RCN3: variants seen among roughly 807,000 people sequenced by gnomAD.
RCN3 encodes reticulocalbin-3.
Under a neutral mutation model 35.9 loss-of-function variants are expected in RCN3, and 41 were observed. That is an observed-to-expected ratio of 1.14 (90% confidence interval 0.89 to 1.48). The LOEUF is 1.48. Among genes scored for constraint, RCN3 ranks in the 40% most tolerant of loss-of-function variants. RCN3 has a pLI of 0.00. For synonymous variants in RCN3, 187 were observed against 193.4 expected (o/e 0.97, Z 0.27); for missense variants, 451 against 471.3 (o/e 0.96, Z 0.40).
rs1361892683 is a variant in RCN3 at position 49,528,521 on chromosome 19, G to A, written c.49G>A (p.Gly17Arg). ...VLLLLLLLRH[G>R]AQGKPSPDAG... ...GCTGCTTCTGTTGCTACTGAGGCAC[G>A]GGGCCCAGGGGAAGCCATCCCCAGA... is the stretch of plus-strand genomic sequence containing the variant. Residue 17 changes from glycine to arginine, a missense_variant, in exon 2 of 7, where the codon GGG (glycine) becomes AGG (arginine). Transcript: ENST00000270645. 1.9e-6 allele frequency: 3 copies of A among 1,548,890 alleles called. No individual in the cohort carries two copies. Among genetic ancestry groups the A allele is most frequent in the Non-Finnish European group, 2.6e-6 (3 of 1,149,066 alleles).
chr19:49,542,975 C>T, intron 6 of RCN3, 131 bp from the exon 7 acceptor site: 1 of 853,686 alleles, frequency 1.2e-6, no homozygotes, highest in Non-Finnish European at 1.9e-6. Flanking sequence ...AAGACGGGGA[C>T]AGATTCAGAG....
At chr19:49,538,110 G>A (rs60163835) in intron 4 of RCN3, among the ~76,000 whole-genome samples, 15,103 of 148,030 alleles carry the variant, frequency 0.1, 983 homozygotes, top group African/African-American at 0.18. Context: ...TCCCACCTCC[G>A]CCTTCTGAGA....
At chr19:49,538,954 G>A (rs928716399) in intron 4 of RCN3, among the ~76,000 whole-genome samples, 165 bp from the exon 5 acceptor site, 1 of 152,060 alleles carries the variant, frequency 6.6e-6, no homozygotes, top group African/African-American at 2.4e-5. Context: ...CAGAAAGCCC[G>A]CAAATTTCCC....
chr19:49,533,276 G>T (rs1224474240), intron 2 of RCN3, among the ~76,000 whole-genome samples: 1 of 152,202 alleles, frequency 6.6e-6, no homozygotes, highest in Non-Finnish European at 1.5e-5. Context: ...AGGTGGGGCG[G>T]TGACTCAGGC....
At position 49,528,524 on chromosome 19, in the gene RCN3, G is replaced by A. The variant is rs763157748; in HGVS notation, c.52G>A (p.Ala18Thr). 155 of 1,562,246 alleles carry A rather than the reference G, an allele frequency of 9.9e-5. No homozygotes were observed. Among genetic ancestry groups the A allele is most frequent in the Admixed American group, 2.5e-4 (13 of 51,278 alleles). Residue 18 changes from alanine to threonine, a missense_variant, in exon 2 of 7, where the codon GCC becomes ACC. Transcript: ENST00000270645. Reference sequence around the variant, plus strand: ...GCTTCTGTTGCTACTGAGGCACGGGGCCCAGGGGAAGCCATCCCCAGACGC... The same window carrying A: ...GCTTCTGTTGCTACTGAGGCACGGGACCCAGGGGAAGCCATCCCCAGACGC... ...LLLLLLLRHG[A>T]QGKPSPDAGP...
At chr19:49,534,136 A>AG in intron 2 of RCN3, 57 bp from the exon 3 acceptor site, 1 of 1,415,250 alleles carries the variant, frequency 7.1e-7, no homozygotes, top group Non-Finnish European at 9.2e-7. Context: ...GGCCCGTGCG[A>AG]GGGGCGGGGC....
In RCN3 at chr19:49,528,554, C is replaced by A. The variant is rs750387536; in HGVS notation, c.82C>A (p.Pro28Thr). The change falls in exon 2 of 7, where the codon CCT (proline) becomes ACT (threonine). Residue 28 changes from proline (P) to threonine (T), a missense_variant. Transcript: ENST00000270645. ...GGGGAAGCCATCCCCAGACGCAGGC[C>A]CTCATGGCCAGGGGAGGGTGCACCA... ...AQGKPSPDAG[P>T]HGQGRVHQAA... 1.6e-5 allele frequency: 26 copies of A among 1,592,352 alleles called. No homozygotes were observed. The highest frequency in any genetic ancestry group is 2.1e-5 in the Non-Finnish European group (25 of 1,170,962).
intron 5 of RCN3, among the ~76,000 whole-genome samples, 158 bp downstream of exon 5, chr19:49,539,337 A>G (rs757082563): frequency 1.3e-5 from 2 of 150,140 alleles, no homozygotes; most frequent in African/African-American, 5.1e-5. Context: ...TTAGCCACCC[A>G]ACATTTATTG....
At position 49,537,072 on chromosome 19, in the gene RCN3, A is replaced by C; in HGVS notation, c.485A>C (p.Lys162Thr). 6.3e-7 allele frequency: 1 copy of C among 1,580,046 alleles called. No individual in the cohort carries two copies. The highest frequency in any genetic ancestry group is 8.6e-7 in the Non-Finnish European group (1 of 1,160,762). ...FHDVEDAETY[K>T]KMLARDERRF... ...GACGTGGAGGATGCAGAGACCTACA[A>C]AAAGATGCTGGCTCGGGACGAGCGG... is the stretch of plus-strand genomic sequence containing the variant. Residue 162 changes from lysine to threonine, a missense_variant, in exon 4 of 7, where the codon AAA (lysine) becomes ACA (threonine). Lys to Thr is a moderately conservative substitution (Grantham distance 78). Transcript: ENST00000270645.
intron 2 of RCN3, among the ~76,000 whole-genome samples, chr19:49,529,765 T>C (rs762491095): frequency 8.6e-5 from 13 of 151,220 alleles, no homozygotes; most frequent in Non-Finnish European, 1.6e-4. Flanking sequence ...TATTTATTTA[T>C]TTACTTATTG....
intron 1 of RCN3, 71 bp from the exon 2 acceptor site, chr19:49,528,396 C>T: frequency 7.2e-7 from 1 of 1,380,202 alleles, no homozygotes; most frequent in Admixed American, 2.9e-5. Context: ...CCCCTCCACC[C>T]CGCCATTCTC....
intron 2 of RCN3, among the ~76,000 whole-genome samples, chr19:49,530,038 G>A (rs1415870977): frequency 2.0e-5 from 3 of 151,824 alleles, no homozygotes; most frequent in Admixed American, 6.6e-5. Flanking sequence ...TGGAACCTCC[G>A]CCTCCCGGGT....
intron 3 of RCN3, among the ~76,000 whole-genome samples, chr19:49,536,648 G>A (rs909285780): frequency 2.1e-4 from 30 of 141,762 alleles, no homozygotes; most frequent in Non-Finnish European, 3.5e-4. Flanking sequence ...TCCCTCTGTC[G>A]CCCAGGCTGG....
At chr19:49,542,788 G>A in intron 6 of RCN3, 36 bp downstream of exon 6, 1 of 1,538,314 alleles carries the variant, frequency 6.5e-7, no homozygotes, top group Non-Finnish European at 8.8e-7. Context: ...GCGAGGAGCG[G>A]GTGGGCATTG....
In RCN3 at chr19:49,543,250, A is replaced by G. The variant is rs1186373013; in HGVS notation, c.*37A>G. The stretch of plus-strand genomic sequence containing the variant: ...CTGCCACAGCCTCAGAGGCCCGCAC[A>G]ATGACCGGAGGAGGGGCCGCTGTGG... On this transcript the variant is annotated 3_prime_UTR_variant, in exon 7 of 7. Coordinates refer to ENST00000270645, the MANE Select transcript of RCN3 (RefSeq NM_020650.3). 6.5e-7 allele frequency: 1 copy of G among 1,545,352 alleles called. No individual in the cohort carries two copies. Among genetic ancestry groups the G allele is most frequent in the Non-Finnish European group, 8.9e-7 (1 of 1,121,574 alleles).
chr19:49,534,065 G>T (rs2080121994), intron 2 of RCN3, 128 bp from the exon 3 acceptor site: 2 of 997,420 alleles, frequency 2.0e-6, no homozygotes, highest in Non-Finnish European at 2.8e-6. Flanking sequence ...CCCCTCCCCA[G>T]TTAGCCCGCG....
chr19:49,539,017 G>A, intron 4 of RCN3, 102 bp from the exon 5 acceptor site: 1 of 761,472 alleles, frequency 1.3e-6, no homozygotes, highest in Non-Finnish European at 2.1e-6. Context: ...GCTGCCCGGA[G>A]CTAAATTTCC....
Position 49,537,044 on chromosome 19 carries a change from C to A in RCN3, c.457C>A (p.His153Asn). The A allele has an allele frequency of 7.2e-6, 11 of 1,538,220 alleles. No homozygotes were observed. Among genetic ancestry groups the A allele is most frequent in the Non-Finnish European group, 9.7e-6 (11 of 1,138,540 alleles). Residue 153 changes from histidine to asparagine, a missense_variant, in exon 4 of 7, where the codon CAT becomes AAT. By Grantham distance (68) the His-to-Asn change is moderately conservative. Transcript: ENST00000270645. The stretch of plus-strand genomic sequence containing the variant: ...CTGTCCTTCCCCAGGTGAAGAATTT[C>A]ATGACGTGGAGGATGCAGAGACCTA... Reference protein sequence around the residue: ...YGHYAPGEEFHDVEDAETYKK... With the variant: ...YGHYAPGEEFNDVEDAETYKK...
chr19:49,543,571 C>G lies in RCN3; in HGVS notation c.*358C>G. The G allele has an allele frequency of 3.9e-6, 1 of 258,336 alleles. No homozygotes were observed. Among genetic ancestry groups the G allele is most frequent in the Non-Finnish European group, 7.7e-6 (1 of 130,510 alleles). 16.0% of individuals were successfully genotyped at this position (258,336 alleles called of 1,614,324 possible). A position where few individuals can be genotyped will look rare whatever the true frequency, so the allele number is the denominator to read the frequency against. On this transcript the variant is annotated 3_prime_UTR_variant, in exon 7 of 7. Transcript: ENST00000270645. ...GAAACTCCCCTGGCCCCAGCCCTCT[C>G]CTGCCTGGCCTGGCCTGGGACACCT...
Sources: gnomAD v4.1 joint callset for allele counts (sites outside exome capture counted in the v4.1 genomes callset) on GRCh38, gnomAD v4.1.1 for gene constraint, MANE v1.5 for transcripts, NCBI Gene and HGNC (gene_info 2026-07-23, HGNC 2026-07-21) for gene names.